The following BIRC6 variants were observed in gnomAD, a reference collection of about 807,000 sequenced individuals.
The protein encoded by BIRC6 is dual E2 ubiquitin-conjugating enzyme/E3 ubiquitin-protein ligase BIRC6.
A neutral mutation model predicts 503.3 loss-of-function variants in BIRC6; 98 were observed. The ratio of observed to expected loss-of-function variants is 0.19; its 90% CI spans 0.17 to 0.23. The LOEUF is 0.23. BIRC6 is among the 10% of genes least tolerant of loss of function. BIRC6 has a pLI of 1.00. For synonymous variants in BIRC6, 2,240 were observed against 2,078.7 expected (o/e 1.08, Z -2.11); for missense variants, 5,360 against 5,806.0 (o/e 0.92, Z 2.50).
At position 32,499,881 on chromosome 2, in the gene BIRC6, T is replaced by G. The variant is rs1261701974; in HGVS notation, c.8803T>G (p.Ser2935Ala). 1 of 1,613,998 alleles carries G rather than the reference T, an allele frequency of 6.2e-7. No individual in the cohort carries two copies. The highest frequency in any genetic ancestry group is 1.1e-5 in the South Asian group (1 of 91,084). The change falls in exon 46 of 74, where the codon TCA (serine) becomes GCA (alanine). Residue 2935 changes from serine (S) to alanine (A), a missense_variant. Physicochemically the swap from Ser to Ala is moderately conservative, Grantham distance 99 (BLOSUM62 1). Coordinates refer to ENST00000421745, the MANE Select transcript of BIRC6 (RefSeq NM_016252.4). ...LVNILVQLPL[S>A]GNREYSARVS... ...TAACATTTTAGTGCAGCTGCCTCTT[T>G]CAGGCAATAGGGAATACAGTGCAAG...
chr2:32,452,675 T>G (rs1162642402), intron 22 of BIRC6, among the ~76,000 whole-genome samples: 4 of 152,130 alleles, frequency 2.6e-5, no homozygotes, highest in African/African-American at 9.7e-5. Flanking sequence ...AGAGAAGCAT[T>G]TTATTATCCC....
At chr2:32,570,006 C>A (rs558913973) in intron 65 of BIRC6, among the ~76,000 whole-genome samples, 11 of 151,872 alleles carry the variant, frequency 7.2e-5, no homozygotes, top group African/African-American at 2.4e-4. Flanking sequence ...TGTTCCAGTT[C>A]TTAGAGGGAA....
chr2:32,510,323 C>A (rs1419871410), intron 52 of BIRC6, among the ~76,000 whole-genome samples: 1 of 152,202 alleles, frequency 6.6e-6, no homozygotes, highest in Non-Finnish European at 1.5e-5. Context: ...AGGTGATCCA[C>A]CCACCTTGGC....
At chr2:32,545,455 T>G (rs1464765363) in intron 62 of BIRC6, among the ~76,000 whole-genome samples, 188 bp from the exon 63 acceptor site, 1 of 152,174 alleles carries the variant, frequency 6.6e-6, no homozygotes, top group Non-Finnish European at 1.5e-5. Flanking sequence ...CTGACAGAGT[T>G]TTTCCTGATA....
In BIRC6 at chr2:32,501,717, A is replaced by G; in HGVS notation, c.9036A>G (p.Ala3012=). The change falls in exon 47 of 74, where the codon GCA becomes GCG. Residue 3012 remains alanine, a synonymous_variant. Transcript: ENST00000421745. ...NSSAMAMIIG[A]SGLHLTKHEN... is the part of the protein sequence containing the mutation. ...GGTATCTTTTATTTTTCTTAGGAGC[A>G]AGTGGATTACATCTCACTAAACATG... is the stretch of plus-strand genomic sequence containing the variant. The G allele has an allele frequency of 6.2e-7, 1 of 1,606,434 alleles. No homozygotes were observed. Among genetic ancestry groups the G allele is most frequent in the Non-Finnish European group, 8.5e-7 (1 of 1,177,614 alleles).
chr2:32,424,096 G>A (rs1018490088), intron 10 of BIRC6, among the ~76,000 whole-genome samples: 6 of 152,114 alleles, frequency 3.9e-5, no homozygotes, highest in African/African-American at 1.4e-4. Flanking sequence ...AATATTTTAT[G>A]TGCAGATTTC....
chr2:32,483,350 C>A (rs1347039561), intron 39 of BIRC6, among the ~76,000 whole-genome samples: 2 of 152,116 alleles, frequency 1.3e-5, no homozygotes, highest in Non-Finnish European at 2.9e-5. Flanking sequence ...CACACATTTA[C>A]CAGAATGTTT....
intron 8 of BIRC6, among the ~76,000 whole-genome samples, chr2:32,402,270 T>G (rs1228522018): frequency 6.6e-6 from 1 of 152,196 alleles, no homozygotes; most frequent in East Asian, 1.9e-4. Flanking sequence ...TAAGAACCAC[T>G]GTGGTTTTGA....
chr2:32,591,095 T>C, intron 66 of BIRC6: 1 of 524,572 alleles, frequency 1.9e-6, no homozygotes, highest in Non-Finnish European at 2.4e-6. Flanking sequence ...TTAGAATCAT[T>C]GATAGGCAGG....
At chr2:32,509,290 T>A (rs2054139662) in intron 51 of BIRC6, among the ~76,000 whole-genome samples, 1 of 152,180 alleles carries the variant, frequency 6.6e-6, no homozygotes, top group African/African-American at 2.4e-5. Flanking sequence ...AGTCTCACCC[T>A]GTCGCCCAGG....
intron 61 of BIRC6, chr2:32,532,374 C>T: frequency 2.4e-6 from 1 of 410,730 alleles, no homozygotes; most frequent in Non-Finnish European, 4.9e-6. Flanking sequence ...TTCTTCCTGG[C>T]TTCTATTGGT....
rs774183407 is a variant in BIRC6, at chr2:32,491,568, T to A, written c.8340+10T>A. On this transcript the variant is annotated intron_variant, in intron 44 of 73. Coordinates refer to ENST00000421745, the MANE Select transcript of BIRC6 (RefSeq NM_016252.4). The stretch of plus-strand genomic sequence containing the variant: ...TCAACACAGTCCACAGGTAATATGA[T>A]GTTTAGCCTGGCATATGCCCAGACT... 2 of 1,611,670 alleles carry A rather than the reference T, an allele frequency of 1.2e-6. No homozygotes were observed. The highest frequency in any genetic ancestry group is 1.7e-6 in the Non-Finnish European group (2 of 1,179,054).
intron 73 of BIRC6, among the ~76,000 whole-genome samples, chr2:32,614,430 C>T (rs1454954950): frequency 1.3e-5 from 2 of 152,222 alleles, no homozygotes; most frequent in Non-Finnish European, 2.9e-5. Context: ...ATCCGCATTC[C>T]TTTATTTCTT....
intron 73 of BIRC6, among the ~76,000 whole-genome samples, chr2:32,612,357 G>T (rs1429099810): frequency 2.0e-5 from 3 of 152,124 alleles, no homozygotes; most frequent in Non-Finnish European, 4.4e-5. Context: ...AAATGTGATT[G>T]GTTTGGAAGA....
Position 32,505,137 on chromosome 2 carries a change from C to G in BIRC6, c.9632C>G (p.Thr3211Ser). The G allele has an allele frequency of 6.2e-7, 1 of 1,604,188 alleles. No individual in the cohort carries two copies. The highest frequency in any genetic ancestry group is 8.5e-7 in the Non-Finnish European group (1 of 1,175,000). Residue 3211 changes from threonine (T) to serine (S), a missense_variant, in exon 50 of 74, where the codon ACC (threonine) becomes AGC (serine). Transcript: ENST00000421745. ...FLPEEAWCDL[T>S]IHLPAAVLLK... ...CCAGAGGAGGCTTGGTGTGACCTTA[C>G]CATTCACCTTCCTGCAGCAGTGCTG... is the stretch of plus-strand genomic sequence containing the variant.
intron 3 of BIRC6, among the ~76,000 whole-genome samples, chr2:32,386,360 G>T (rs564597996): frequency 6.6e-6 from 1 of 152,080 alleles, no homozygotes; most frequent in South Asian, 2.1e-4. Context: ...ACCATCCACA[G>T]TCATTCTTCA....
chr2:32,429,393 T>C, intron 11 of BIRC6, 98 bp downstream of exon 11: 1 of 950,512 alleles, frequency 1.1e-6, no homozygotes, highest in Non-Finnish European at 1.5e-6. Context: ...AAGTAAGAAG[T>C]GATTCTCAAC....
At chr2:32,450,995 C>T (rs1465708313) in intron 22 of BIRC6, among the ~76,000 whole-genome samples, 2 of 152,160 alleles carry the variant, frequency 1.3e-5, no homozygotes, top group Non-Finnish European at 2.9e-5. Context: ...CCCACAGATA[C>T]AGAGAGCTGA....
chr2:32,568,982 C>CTTTTTTTTTTTTTTTTTTTTTT lies in BIRC6; in HGVS notation c.13145-6173_13145-6172insTTTTTTTTTTTTTTTTTTTTTT, dbSNP rs199909930. Among the ~76,000 whole-genome samples, 2 of 131,356 alleles carry CTTTTTTTTTTTTTTTTTTTTTT rather than the reference C, an allele frequency of 1.5e-5. 1 individual carries two copies. 86.2% of individuals were successfully genotyped at this position (131,356 alleles called of 152,430 possible). A position where few individuals can be genotyped will look rare whatever the true frequency, so the allele number is the denominator to read the frequency against. ...TTTTGGAGGAGTCTCCCATGTCTCTCTCTTTTTTTTTTTTTTTTTGAGATG... is the reference window on the plus strand; with the variant it reads ...TTTTGGAGGAGTCTCCCATGTCTCTCTTTTTTTTTTTTTTTTTTTTTTTCTTTTTTTTTTTTTTTTTGAGATG... On this transcript the variant is annotated intron_variant, in intron 65 of 73. Coordinates refer to ENST00000421745, the MANE Select transcript of BIRC6 (RefSeq NM_016252.4).
Sources: allele counts gnomAD v4.1 joint callset (sites outside exome capture counted in the v4.1 genomes callset), GRCh38; gene constraint gnomAD v4.1.1; transcripts MANE v1.5; gene names NCBI Gene and HGNC (gene_info 2026-07-23, HGNC 2026-07-21).